Variants in GBE1 observed in about 807,000 individuals in gnomAD.
GBE1 encodes 1,4-alpha-glucan-branching enzyme.
GBE1 carries 70 observed loss-of-function variants against 88.8 expected under a neutral mutation model. The ratio of observed to expected loss-of-function variants is 0.79; its 90% CI spans 0.65 to 0.96. GBE1 has a LOEUF of 0.96. GBE1 is among the 40% of genes least tolerant of loss of function. The pLI is 0.00. For synonymous variants in GBE1, 284 were observed against 300.1 expected (o/e 0.95, Z 0.56); for missense variants, 872 against 871.0 (o/e 1.00, Z -0.01).
At chr3:81,550,592 A>T (rs1448470834) in intron 12 of GBE1, among the ~76,000 whole-genome samples, 1 of 152,168 alleles carries the variant, frequency 6.6e-6, no homozygotes, top group East Asian at 1.9e-4. Context: ...ACAGAATGAG[A>T]CAGAGGTTGG....
intron 7 of GBE1, among the ~76,000 whole-genome samples, chr3:81,637,985 T>C (rs1329883013): frequency 6.6e-6 from 1 of 152,070 alleles, no homozygotes; most frequent in Admixed American, 6.5e-5. Flanking sequence ...TGGTAAGATA[T>C]CATAGAATAA....
chr3:81,577,460 T>C (rs563195904), intron 12 of GBE1, among the ~76,000 whole-genome samples: 2 of 152,298 alleles, frequency 1.3e-5, no homozygotes, highest in Non-Finnish European at 2.9e-5. Flanking sequence ...AATAAATTTC[T>C]TTTTGTCCAA....
chr3:81,581,325 T>C lies in GBE1; in HGVS notation c.1336-50A>G, dbSNP rs372243479. Reference sequence around the variant, plus strand: ...CTTCTGAGTAAAGCATTATTTTTCTTATTTTTAAATCACAATCTGAAGTTA... The same window carrying C: ...CTTCTGAGTAAAGCATTATTTTTCTCATTTTTAAATCACAATCTGAAGTTA... On this transcript the variant is annotated intron_variant, in intron 10 of 15. Coordinates refer to ENST00000429644, the MANE Select transcript of GBE1 (RefSeq NM_000158.4). 4.6e-5 allele frequency: 47 copies of C among 1,026,366 alleles called. No individual in the cohort carries two copies. In the African/African-American group the frequency reaches 7.1e-4, roughly 15 times the overall value. 63.6% of individuals were successfully genotyped at this position (1,026,366 alleles called of 1,614,324 possible).
intron 15 of GBE1, among the ~76,000 whole-genome samples, chr3:81,498,102 C>T (rs1409996119): frequency 1.3e-5 from 2 of 152,182 alleles, no homozygotes; most frequent in African/African-American, 4.8e-5. Flanking sequence ...ACTGCACTTT[C>T]CTCACAACCC....
Position 81,645,667 on chromosome 3 carries a change from G to A in GBE1, c.782+725C>T, listed in dbSNP as rs547664260. Reference sequence around the variant, plus strand: ...GTCACCTATTTACGCCCACTTCACCGCTTTCCCCAGTTAACTCTTAGTCGT... The same window carrying A: ...GTCACCTATTTACGCCCACTTCACCACTTTCCCCAGTTAACTCTTAGTCGT... On this transcript the variant is annotated intron_variant, in intron 6 of 15. Transcript: ENST00000429644. 2.4e-3 allele frequency among the ~76,000 whole-genome samples: 369 copies of A among 152,216 alleles called. 5 individuals are homozygous for A. The highest frequency in any genetic ancestry group is 8.4e-3 in the African/African-American group (351 of 41,540).
At chr3:81,636,709 T>C (rs774454560) in intron 7 of GBE1, among the ~76,000 whole-genome samples, 2 of 152,098 alleles carry the variant, frequency 1.3e-5, no homozygotes, top group Non-Finnish European at 2.9e-5. Context: ...TTTGTATTTT[T>C]AGTAGAGACA....
intron 6 of GBE1, among the ~76,000 whole-genome samples, chr3:81,645,372 G>A (rs2107064137): frequency 6.6e-6 from 1 of 152,250 alleles, no homozygotes; most frequent in Middle Eastern, 3.4e-3. Flanking sequence ...GAAAGAAAAA[G>A]GTTTCAAGAA....
intron 7 of GBE1, among the ~76,000 whole-genome samples, chr3:81,604,224 T>A (rs900367196): frequency 6.6e-6 from 1 of 151,950 alleles, no homozygotes; most frequent in African/African-American, 2.4e-5. Flanking sequence ...TGAACTAAAT[T>A]AATAATGTAC....
At chr3:81,555,577 G>C (rs767725124) in intron 12 of GBE1, among the ~76,000 whole-genome samples, 1 of 152,138 alleles carries the variant, frequency 6.6e-6, no homozygotes, top group Non-Finnish European at 1.5e-5. Flanking sequence ...ACACCTGGCT[G>C]AGTAAAGTTT....
At chr3:81,640,242 C>T (rs1278197415) in intron 7 of GBE1, among the ~76,000 whole-genome samples, 1 of 151,346 alleles carries the variant, frequency 6.6e-6, no homozygotes, top group Non-Finnish European at 1.5e-5. Flanking sequence ...ACATTTGAGT[C>T]AGTGGACTGG....
chr3:81,560,136 T>G (rs549745394), intron 12 of GBE1, among the ~76,000 whole-genome samples: 5 of 151,996 alleles, frequency 3.3e-5, no homozygotes, highest in Non-Finnish European at 7.4e-5. Context: ...CACATAATAA[T>G]TAAGTTCTCA....
chr3:81,518,591 T>C (rs1702829953), intron 14 of GBE1, among the ~76,000 whole-genome samples: 1 of 151,412 alleles, frequency 6.6e-6, no homozygotes, highest in Non-Finnish European at 1.5e-5. Context: ...GTGAGGGTAC[T>C]GGTCTGTCAT....
chr3:81,581,023 A>C, intron 11 of GBE1, 142 bp downstream of exon 11: 1 of 524,940 alleles, frequency 1.9e-6, no homozygotes, highest in Non-Finnish European at 3.3e-6. Flanking sequence ...ATATATATTA[A>C]TACACACACA....
At chr3:81,556,972 TC>T in intron 12 of GBE1, among the ~76,000 whole-genome samples, 1 of 152,118 alleles carries the variant, frequency 6.6e-6, no homozygotes, top group East Asian at 1.9e-4. Context: ...ATAAAAAGCA[TC>T]AACATAAACT....
chr3:81,667,509 T>A (rs940478355), intron 3 of GBE1, among the ~76,000 whole-genome samples: 20 of 152,300 alleles, frequency 1.3e-4, no homozygotes, highest in African/African-American at 4.8e-4. Flanking sequence ...AGAGAGGGAA[T>A]CCTTGTCTTG....
chr3:81,554,927 G>C (rs1260971556), intron 12 of GBE1, among the ~76,000 whole-genome samples: 1 of 152,132 alleles, frequency 6.6e-6, no homozygotes, highest in Non-Finnish European at 1.5e-5. Flanking sequence ...TTTGCCTTTG[G>C]ATGATGCTTC....
At chr3:81,703,260 C>G (rs1705726197) in intron 2 of GBE1, among the ~76,000 whole-genome samples, 1 of 151,908 alleles carries the variant, frequency 6.6e-6, no homozygotes, top group Non-Finnish European at 1.5e-5. Context: ...TAATAACAAC[C>G]ATGACTTAAG....
chr3:81,630,375 C>T (rs1331542762), intron 7 of GBE1, among the ~76,000 whole-genome samples: 1 of 152,122 alleles, frequency 6.6e-6, no homozygotes, highest in East Asian at 1.9e-4. Context: ...ATCAAGCTAC[C>T]AATGTCTTTC....
intron 3 of GBE1, 25 bp downstream of exon 3, chr3:81,670,813 G>GA (rs1372409609): frequency 2.3e-6 from 3 of 1,280,894 alleles, no homozygotes; most frequent in Non-Finnish European, 3.2e-6. Context: ...ATAAGTTCAA[G>GA]AAAAAATAGG....
Sources: allele counts gnomAD v4.1 joint callset (sites outside exome capture counted in the v4.1 genomes callset), GRCh38; gene constraint gnomAD v4.1.1; transcripts MANE v1.5; gene names NCBI Gene and HGNC (gene_info 2026-07-23, HGNC 2026-07-21).